Variants in TPTE2 observed in about 807,000 individuals in gnomAD.
The protein encoded by TPTE2 is phosphatidylinositol 3,4,5-trisphosphate 3-phosphatase TPTE2.
TPTE2 carries 53 observed loss-of-function variants against 78.6 expected under a neutral mutation model. The observed-to-expected ratio is 0.67, with a 90% CI of 0.54 to 0.85. The LOEUF is 0.85. Ranked by LOEUF, TPTE2 falls within the 40% of genes least tolerant of loss-of-function variation. The probability of loss-of-function intolerance (pLI) is 0.00; values close to 1 mark genes in which losing one functional copy is unlikely to be tolerated. For synonymous variants in TPTE2, 175 were observed against 206.2 expected, an observed-to-expected ratio of 0.85 and a Z score of 1.30; for missense variants, 461 against 623.0, an observed-to-expected ratio of 0.74 and a Z score of 2.77.
At chr13:19,557,435 G>T in the TPTE2 span, among the ~76,000 whole-genome samples, 3 of 152,142 alleles carry the variant, frequency 2.0e-5, no homozygotes, top group South Asian at 6.2e-4. Context: ...ACATCCCAGG[G>T]CATACCTGAG....
the TPTE2 span, among the ~76,000 whole-genome samples, chr13:19,547,380 T>C: frequency 6.6e-6 from 1 of 152,196 alleles, no homozygotes; most frequent in African/African-American, 2.4e-5. Flanking sequence ...AGATTAACAA[T>C]ATCCAGTATT....
chr13:19,450,455 G>A (rs1385923283), intron 11 of TPTE2, 111 bp from the exon 15 acceptor site: 1 of 1,028,640 alleles, frequency 9.7e-7, no homozygotes. Context: ...TCTTCAAAAA[G>A]AGCTTTCCAA....
At chr13:19,463,564 C>A (rs1879073204) in intron 10 of TPTE2, among the ~76,000 whole-genome samples, 1 of 152,052 alleles carries the variant, frequency 6.6e-6, no homozygotes, top group Non-Finnish European at 1.5e-5. Context: ...TTTCATGTTT[C>A]TTGTGGCCCT....
the TPTE2 span, among the ~76,000 whole-genome samples, chr13:19,546,483 C>CTTTTTTTTTTT: frequency 9.4e-5 from 8 of 85,040 alleles, no homozygotes; most frequent in Non-Finnish European, 1.2e-4. Context: ...TTTTCTTTTT[C>CTTTTTTTTTTT]TTTTTTTTTT....
the TPTE2 span, among the ~76,000 whole-genome samples, chr13:19,559,723 T>C: frequency 7.0e-6 from 1 of 142,536 alleles, no homozygotes; most frequent in Non-Finnish European, 1.6e-5. Context: ...CTCCCACACA[T>C]CCCCTGCAGC....
In TPTE2 at chr13:19,443,673, G is replaced by A. The variant is rs376030896; in HGVS notation, c.974-5520C>T. On this transcript the variant is annotated intron_variant, in intron 13 of 19. Transcript: ENST00000400230. ...ACCCCACTGGGCCTCCCAAAGTGCT[G>A]GGATTACAGGTGTAAGCCATGGCAC... 3.8e-4 allele frequency among the ~76,000 whole-genome samples: 57 copies of A among 151,718 alleles called. 1 individual carries two copies. In the South Asian group the frequency reaches 0.011, roughly 30 times the overall value.
chr13:19,483,947 C>A (rs1421158954), intron 3 of TPTE2, among the ~76,000 whole-genome samples: 3 of 131,490 alleles, frequency 2.3e-5, no homozygotes, highest in African/African-American at 8.5e-5. Context: ...CCCAATCAGG[C>A]CCCAGTGTGT....
chr13:19,449,012 C>T (rs879923049), intron 13 of TPTE2, among the ~76,000 whole-genome samples: 1 of 152,076 alleles, frequency 6.6e-6, no homozygotes, highest in Non-Finnish European at 1.5e-5. Context: ...GAACATTATG[C>T]TAAGTGAAAT....
chr13:19,502,055 C>A (rs1276486020), intron 1 of TPTE2, among the ~76,000 whole-genome samples: 1 of 66,012 alleles, frequency 1.5e-5, no homozygotes, highest in Non-Finnish European at 3.0e-5. Flanking sequence ...AAATGCTCAT[C>A]ATCACTGGCC....
chr13:19,561,547 TC>T, the TPTE2 span, among the ~76,000 whole-genome samples: 1 of 152,102 alleles, frequency 6.6e-6, no homozygotes, highest in Non-Finnish European at 1.5e-5. Flanking sequence ...AGGAAGTTCT[TC>T]CCGGCCGTTG....
At chr13:19,459,115 G>C (rs1878726405) in intron 10 of TPTE2, among the ~76,000 whole-genome samples, 1 of 152,044 alleles carries the variant, frequency 6.6e-6, no homozygotes, top group South Asian at 2.1e-4. Flanking sequence ...TAGCCATTCT[G>C]ACTGGCATGA....
At chr13:19,510,551 C>A (rs566501486) in intron 1 of TPTE2, among the ~76,000 whole-genome samples, 143 of 152,270 alleles carry the variant, frequency 9.4e-4, no homozygotes, top group Non-Finnish European at 1.6e-3. Context: ...TTCCATTAGG[C>A]CCCACCTCCA....
the TPTE2 span, among the ~76,000 whole-genome samples, chr13:19,547,720 C>CATACATAT: frequency 2.4e-4 from 28 of 118,852 alleles, 1 homozygote; most frequent in African/African-American, 6.8e-4. Context: ...AATAAATATA[C>CATACATAT]ATATATATAT....
At chr13:19,448,367 C>T (rs1877968441) in intron 13 of TPTE2, among the ~76,000 whole-genome samples, 1 of 152,176 alleles carries the variant, frequency 6.6e-6, no homozygotes, top group East Asian at 1.9e-4. Context: ...GCAAAGGAAA[C>T]ATTTATAGAG....
intron 19 of TPTE2, 113 bp downstream of exon 22, chr13:19,424,834 T>C: frequency 1.4e-6 from 1 of 699,776 alleles, no homozygotes; most frequent in Non-Finnish European, 2.4e-6. Flanking sequence ...GCTCAGGGAT[T>C]TTTTGCTTTC....
chr13:19,526,067 A>G lies in TPTE2; in HGVS notation c.-44+10529T>C, dbSNP rs534747766. 6.6e-5 allele frequency among the ~76,000 whole-genome samples: 10 copies of G among 152,300 alleles called. No homozygotes were observed. In the East Asian group the frequency reaches 1.2e-3, roughly 18 times the overall value. On this transcript the variant is annotated intron_variant, in intron 1 of 17. Transcript: ENST00000390680. ...GCTGGCAAAGTTACAGAGGAAAGGG[A>G]ATGCTTATACACTACTGGTGGATAT...
chr13:19,473,338 T>C (rs1195492709), intron 6 of TPTE2, among the ~76,000 whole-genome samples: 1 of 152,216 alleles, frequency 6.6e-6, no homozygotes, highest in Non-Finnish European at 1.5e-5. Flanking sequence ...AGGTGCTGTC[T>C]GGGAATCAGG....
rs191179100 is a variant in TPTE2 at position 19,522,007 on chromosome 13, C to T, written c.-44+14589G>A. The stretch of plus-strand genomic sequence containing the variant: ...TTAGTATTTCTTATAGAGATGTCTT[C>T]AAGCAACAAATTTTTTTAGTTTTGT... On this transcript the variant is annotated intron_variant, in intron 1 of 17. Transcript: ENST00000390680. Among the ~76,000 whole-genome samples, 588 of 152,244 alleles carry T rather than the reference C, an allele frequency of 3.9e-3. 8 individuals are homozygous for T. Among genetic ancestry groups the T allele is most frequent in the Middle Eastern group, 0.01 (3 of 294 alleles).
At chr13:19,518,245 T>C (rs1457601441) in intron 1 of TPTE2, among the ~76,000 whole-genome samples, 1 of 152,200 alleles carries the variant, frequency 6.6e-6, no homozygotes, top group Non-Finnish European at 1.5e-5. Flanking sequence ...TATTCTTACA[T>C]CAAAGAAATG....
Sources: allele counts gnomAD v4.1 joint callset (sites outside exome capture counted in the v4.1 genomes callset), GRCh38; gene constraint gnomAD v4.1.1; transcripts MANE v1.5; gene names NCBI Gene and HGNC (gene_info 2026-07-23, HGNC 2026-07-21).